Variants in SEZ6L observed in about 807,000 individuals in gnomAD.
SEZ6L encodes the protein seizure related 6 homolog like.
A neutral mutation model predicts 106.2 loss-of-function variants in SEZ6L; 37 were observed. The observed-to-expected ratio is 0.35, with a 90% CI of 0.27 to 0.46. SEZ6L has a LOEUF of 0.46. Ranked by LOEUF, SEZ6L falls within the 20% of genes least tolerant of loss-of-function variation. The pLI is 1.00. For missense variants in SEZ6L, 1,172 were observed against 1,332.8 expected, an observed-to-expected ratio of 0.88 and a Z score of 1.88; for synonymous variants, 541 against 570.4, an observed-to-expected ratio of 0.95 and a Z score of 0.73.
At position 26,175,205 on chromosome 22, in the gene SEZ6L, G is replaced by A. The variant is rs146379431; in HGVS notation, c.94+5442G>A. On this transcript the variant is annotated intron_variant, in intron 1 of 16. Transcript: ENST00000248933. ...ACACAGTCCCTGGCACACATAGCAAGCATTTAAGTAAAGCTGGTCAAATTG... is the reference window on the plus strand; with the variant it reads ...ACACAGTCCCTGGCACACATAGCAAACATTTAAGTAAAGCTGGTCAAATTG... Among the ~76,000 whole-genome samples, 49 of 152,324 alleles carry A rather than the reference G, an allele frequency of 3.2e-4. No homozygotes were observed. The East Asian group carries it at 7.9e-3, about 25-fold the overall frequency.
intron 1 of SEZ6L, among the ~76,000 whole-genome samples, chr22:26,222,117 T>C (rs2078494766): frequency 6.6e-6 from 1 of 152,206 alleles, no homozygotes. Flanking sequence ...TGACGATTTC[T>C]GGGATCCATT....
intron 4 of SEZ6L, among the ~76,000 whole-genome samples, chr22:26,298,158 A>G (rs2081354189): frequency 6.6e-6 from 1 of 152,066 alleles, no homozygotes; most frequent in Non-Finnish European, 1.5e-5. Context: ...ATTGTGGGAT[A>G]CTGCCCTTTG....
chr22:26,334,651 A>T (rs2082590518), intron 9 of SEZ6L, among the ~76,000 whole-genome samples: 1 of 152,196 alleles, frequency 6.6e-6, no homozygotes. Context: ...ACTGCCCAAG[A>T]GAAAGGTGAT....
rs1166534907 is a variant in SEZ6L at position 26,381,925 on chromosome 22, T to A, written c.*1630T>A. 2 of 480,794 alleles carry A rather than the reference T, an allele frequency of 4.2e-6. No homozygotes were observed. The highest frequency in any genetic ancestry group is 8.3e-6 in the Non-Finnish European group (2 of 241,390). 29.8% of individuals were successfully genotyped at this position (480,794 alleles called of 1,614,324 possible). On this transcript the variant is annotated 3_prime_UTR_variant, in exon 17 of 17. Coordinates refer to ENST00000248933, the MANE Select transcript of SEZ6L (RefSeq NM_021115.5). ...AAACAAGAAAAGACCTTTCTGGCCA[T>A]AGGGAGAATAGCAGGGAGTCTATGT...
intron 10 of SEZ6L, among the ~76,000 whole-genome samples, chr22:26,345,220 C>T (rs565352259): frequency 6.6e-6 from 1 of 152,318 alleles, no homozygotes; most frequent in South Asian, 2.1e-4. Context: ...CCCTGGGGTA[C>T]AGGCCCTGGG....
chr22:26,374,966 C>T (rs2084169660), intron 14 of SEZ6L, among the ~76,000 whole-genome samples: 1 of 152,116 alleles, frequency 6.6e-6, no homozygotes, highest in Admixed American at 6.5e-5. Context: ...CTGTCAGTCC[C>T]CAATGCTCAG....
chr22:26,201,382 C>CAAAAAAAAAA (rs71192905), intron 1 of SEZ6L, among the ~76,000 whole-genome samples: 138 of 74,950 alleles, frequency 1.8e-3, no homozygotes, highest in East Asian at 4.3e-3. Flanking sequence ...TACAAAAATA[C>CAAAAAAAAAA]AAAAAAAAAA....
intron 5 of SEZ6L, among the ~76,000 whole-genome samples, chr22:26,300,140 G>A (rs2081408963): frequency 6.9e-6 from 1 of 145,190 alleles, no homozygotes; most frequent in Admixed American, 6.8e-5. Flanking sequence ...GAGATGTCTA[G>A]TCAGGTCCTT....
chr22:26,208,643 C>G (rs1163276832), intron 1 of SEZ6L, among the ~76,000 whole-genome samples: 6 of 151,962 alleles, frequency 3.9e-5, no homozygotes, highest in Admixed American at 3.9e-4. Flanking sequence ...TAGATGTTTT[C>G]AATATTTTCT....
chr22:26,265,742 T>A (rs2080155119), intron 1 of SEZ6L, among the ~76,000 whole-genome samples: 1 of 152,122 alleles, frequency 6.6e-6, no homozygotes, highest in South Asian at 2.1e-4. Flanking sequence ...ACCAGGTCAT[T>A]CTCTCTTCTT....
intron 11 of SEZ6L, among the ~76,000 whole-genome samples, chr22:26,350,790 GGGAGTAC>G (rs1350325886): frequency 6.6e-6 from 1 of 151,716 alleles, no homozygotes; most frequent in Non-Finnish European, 1.5e-5. Context: ...CCGAGTAGCT[GGGAGTAC>G]AGGCGCCCAC....
chr22:26,198,949 C>T (rs1427738953), intron 1 of SEZ6L, among the ~76,000 whole-genome samples: 4 of 152,166 alleles, frequency 2.6e-5, no homozygotes, highest in Non-Finnish European at 5.9e-5. Context: ...ATGTTCTGGC[C>T]AATGGGAAGC....
chr22:26,239,039 A>T (rs2079033418), intron 1 of SEZ6L, among the ~76,000 whole-genome samples: 1 of 152,240 alleles, frequency 6.6e-6, no homozygotes, highest in East Asian at 1.9e-4. Flanking sequence ...CCTAGGCAAC[A>T]TAGCAAGACC....
chr22:26,307,112 GCATA>G (rs1453488141), intron 6 of SEZ6L, among the ~76,000 whole-genome samples: 1 of 152,218 alleles, frequency 6.6e-6, no homozygotes, highest in Non-Finnish European at 1.5e-5. Flanking sequence ...AATGTGTTGA[GCATA>G]CCTCAGAGTG....
intron 1 of SEZ6L, among the ~76,000 whole-genome samples, chr22:26,184,841 G>T (rs1939667046): frequency 6.6e-6 from 1 of 152,190 alleles, no homozygotes; most frequent in Non-Finnish European, 1.5e-5. Flanking sequence ...AGCACTTTGG[G>T]AGGCTAAGAA....
At chr22:26,310,602 C>G in intron 6 of SEZ6L, 68 bp from the exon 7 acceptor site, 1 of 1,543,268 alleles carries the variant, frequency 6.5e-7, no homozygotes, top group Non-Finnish European at 8.9e-7. Context: ...GTAGCACATC[C>G]CTTCCTCTGC....
intron 4 of SEZ6L, 117 bp downstream of exon 4, chr22:26,297,197 A>C: frequency 1.4e-6 from 1 of 691,894 alleles, no homozygotes; most frequent in Non-Finnish European, 2.3e-6. Flanking sequence ...AAAACCTACA[A>C]ACCCCTTCTC....
rs541463531 is a variant in SEZ6L, at chr22:26,319,987, G to A, written c.2015+6085G>A. Among the ~76,000 whole-genome samples, 4 of 152,290 alleles carry A rather than the reference G, an allele frequency of 2.6e-5. No homozygotes were observed. The South Asian group carries it at 8.3e-4, about 32-fold the overall frequency. On this transcript the variant is annotated intron_variant, in intron 9 of 16. Transcript: ENST00000248933. The stretch of plus-strand genomic sequence containing the variant: ...AGAAAAATATGGAAAGACCTTCTGG[G>A]GACATGGCCTCCATTTTTTAGTAAG...
In SEZ6L at chr22:26,366,483, G is replaced by A. The variant is rs141154397; in HGVS notation, c.2794+917G>A. On this transcript the variant is annotated intron_variant, in intron 13 of 16. Coordinates refer to ENST00000248933, the MANE Select transcript of SEZ6L (RefSeq NM_021115.5). ...CTGAGGTGGGAGGATTGCTTGAGCCGGGGAGTTTGAGACCAGCCTGGGTAA... is the reference window on the plus strand; with the variant it reads ...CTGAGGTGGGAGGATTGCTTGAGCCAGGGAGTTTGAGACCAGCCTGGGTAA... 6.3e-3 allele frequency among the ~76,000 whole-genome samples: 959 copies of A among 152,014 alleles called. 2 individuals carry two copies. The highest frequency in any genetic ancestry group is 0.011 in the Non-Finnish European group (727 of 67,970).
Sources: gnomAD v4.1 joint callset for allele counts (sites outside exome capture counted in the v4.1 genomes callset) on GRCh38, gnomAD v4.1.1 for gene constraint, MANE v1.5 for transcripts, NCBI Gene and HGNC (gene_info 2026-07-23, HGNC 2026-07-21) for gene names.